The following NECTIN3 variants were observed in gnomAD, a reference collection of about 807,000 sequenced individuals.
NECTIN3 encodes the protein nectin-3.
NECTIN3 carries 8 observed loss-of-function variants against 49.4 expected under a neutral mutation model. That is an observed-to-expected ratio of 0.16 (90% CI 0.10 to 0.29). The LOEUF (loss-of-function observed/expected upper bound fraction) is 0.29, where lower values mean the gene tolerates loss of function less well. Ranked by LOEUF, NECTIN3 falls within the 10% of genes least tolerant of loss-of-function variation. The probability of loss-of-function intolerance (pLI) is 1.00; values close to 1 mark genes in which losing one functional copy is unlikely to be tolerated. For synonymous variants in NECTIN3, 277 were observed against 241.1 expected (o/e 1.15, Z -1.38); for missense variants, 581 against 654.6 (o/e 0.89, Z 1.23).
chr3:111,101,896 T>C (rs1407542333), intron 1 of NECTIN3, among the ~76,000 whole-genome samples: 1 of 152,158 alleles, frequency 6.6e-6, no homozygotes, highest in Non-Finnish European at 1.5e-5. Flanking sequence ...TTATTTGTAC[T>C]TATGTATTTT....
chr3:111,123,654 C>G (rs768023004), intron 4 of NECTIN3, among the ~76,000 whole-genome samples: 4 of 152,134 alleles, frequency 2.6e-5, no homozygotes, highest in African/African-American at 4.8e-5. Flanking sequence ...TATCTTTTAA[C>G]TTGCTCTTGG....
In NECTIN3 at chr3:111,133,966, A is replaced by C. The variant is rs764973073; in HGVS notation, c.1401A>C (p.Pro467=). The C allele has an allele frequency of 6.2e-7, 1 of 1,613,576 alleles. No homozygotes were observed. The highest frequency in any genetic ancestry group is 8.5e-7 in the Non-Finnish European group (1 of 1,179,790). The change falls in exon 6 of 6, where the codon CCA becomes CCC. Residue 467 remains proline, a synonymous_variant. Coordinates refer to ENST00000485303, the MANE Select transcript of NECTIN3 (RefSeq NM_015480.3). ...VLQQDELDSY[P]DSVKKENKNP... ...AACAAGATGAGCTTGATTCTTACCC[A>C]GACAGTGTAAAAAAAGAAAACAAAA...
chr3:111,122,403 C>A (rs1036220520), intron 4 of NECTIN3, among the ~76,000 whole-genome samples, 165 bp downstream of exon 4: 5 of 152,048 alleles, frequency 3.3e-5, no homozygotes, highest in East Asian at 1.9e-4. Flanking sequence ...CTTCCTACCC[C>A]CTCAGTTCTG....
At chr3:111,165,510 A>T (rs1208769653) in intron 7 of NECTIN3, among the ~76,000 whole-genome samples, 1 of 152,188 alleles carries the variant, frequency 6.6e-6, no homozygotes, top group East Asian at 1.9e-4. Flanking sequence ...ATGTATGAGT[A>T]GAGAAAATCT....
upstream of NECTIN3, among the ~76,000 whole-genome samples, chr3:111,189,902 G>T (rs1039547100): frequency 6.6e-6 from 1 of 152,168 alleles, no homozygotes; most frequent in Non-Finnish European, 1.5e-5. Flanking sequence ...CCAGGCATCT[G>T]CCTGGGCTGA....
At chr3:111,163,535 C>T (rs1208547493) in intron 7 of NECTIN3, among the ~76,000 whole-genome samples, 3 of 152,122 alleles carry the variant, frequency 2.0e-5, no homozygotes, top group African/African-American at 7.2e-5. Flanking sequence ...AAATAAAAAA[C>T]TAAAATGCTG....
intron 6 of NECTIN3, chr3:111,145,182 A>G (rs2034844815): frequency 1.1e-6 from 1 of 929,552 alleles, no homozygotes; most frequent in East Asian, 2.7e-5. Context: ...TGGTTTCATC[A>G]GAATATCTCA....
chr3:111,113,617 G>A (rs2033565346), intron 2 of NECTIN3, among the ~76,000 whole-genome samples: 1 of 152,106 alleles, frequency 6.6e-6, no homozygotes, highest in African/African-American at 2.4e-5. Context: ...TTAAGAGATT[G>A]ATGTTTTTGA....
chr3:111,177,281 A>G (rs988962968), intron 7 of NECTIN3, among the ~76,000 whole-genome samples: 1 of 152,116 alleles, frequency 6.6e-6, no homozygotes, highest in Non-Finnish European at 1.5e-5. Context: ...ATATTTATCT[A>G]ATTTTTCTCT....
chr3:111,150,338 C>T (rs1302330564), intron 7 of NECTIN3, among the ~76,000 whole-genome samples: 3 of 151,918 alleles, frequency 2.0e-5, no homozygotes, highest in Non-Finnish European at 4.4e-5. Flanking sequence ...CAGTAGTTAT[C>T]TGTCAGATGA....
chr3:111,077,256 A>G (rs763666940), intron 1 of NECTIN3: 7 of 428,628 alleles, frequency 1.6e-5, no homozygotes, highest in South Asian at 1.2e-4. Flanking sequence ...AAATAAGTTG[A>G]GTAGGGAAGA....
At chr3:111,075,891 G>A (rs1357262546) in intron 1 of NECTIN3, among the ~76,000 whole-genome samples, 1 of 151,978 alleles carries the variant, frequency 6.6e-6, no homozygotes, top group African/African-American at 2.4e-5. Flanking sequence ...GTTGGAGAAG[G>A]GACTCATAAT....
At chr3:111,193,712 G>A (rs184102077) in intron 1 of NECTIN3, among the ~76,000 whole-genome samples, 9 of 152,220 alleles carry the variant, frequency 5.9e-5, no homozygotes, top group Non-Finnish European at 1.3e-4. Flanking sequence ...AGAAAGAAAG[G>A]CCCCAGCTGA....
chr3:111,128,314 ACT>A (rs2034251602), intron 5 of NECTIN3, among the ~76,000 whole-genome samples: 1 of 149,028 alleles, frequency 6.7e-6, no homozygotes, highest in Non-Finnish European at 1.5e-5. Flanking sequence ...ACAGAGCGAA[ACT>A]CTGTCTCAAA....
intron 7 of NECTIN3, among the ~76,000 whole-genome samples, chr3:111,187,177 C>T (rs879317587): frequency 1.3e-5 from 2 of 152,072 alleles, no homozygotes; most frequent in Admixed American, 1.3e-4. Flanking sequence ...GTGGGAGGAT[C>T]ATTTGACACC....
In NECTIN3 at chr3:111,126,340, G is replaced by GA; in HGVS notation, c.1069+5_1069+6insA. On this transcript the variant is annotated splice_donor_region_variant and intron_variant, in intron 5 of 5. Coordinates refer to ENST00000485303, the MANE Select transcript of NECTIN3 (RefSeq NM_015480.3). ...AAAAAGTCATCTACATTTCAGGTAAGTTACTATCTGCTTGCAAAATGAGTT... is the reference window on the plus strand; with the variant it reads ...AAAAAGTCATCTACATTTCAGGTAAGATTACTATCTGCTTGCAAAATGAGTT... 1 of 1,597,978 alleles carries GA rather than the reference G, an allele frequency of 6.3e-7. No homozygotes were observed. Among genetic ancestry groups the GA allele is most frequent in the Non-Finnish European group, 8.5e-7 (1 of 1,173,274 alleles).
At chr3:111,081,722 T>G (rs2031618605) in intron 1 of NECTIN3, among the ~76,000 whole-genome samples, 1 of 152,170 alleles carries the variant, frequency 6.6e-6, no homozygotes, top group Non-Finnish European at 1.5e-5. Context: ...TAGCTTAGAT[T>G]TCTGTTTGTG....
chr3:111,117,601 TA>T (rs2033742309), intron 2 of NECTIN3, among the ~76,000 whole-genome samples: 1 of 151,350 alleles, frequency 6.6e-6, no homozygotes, highest in Non-Finnish European at 1.5e-5. Context: ...AAATGTGAAA[TA>T]AAAATAGGTT....
intron 5 of NECTIN3, among the ~76,000 whole-genome samples, chr3:111,129,040 C>T (rs1043794545): frequency 6.6e-6 from 1 of 152,166 alleles, no homozygotes; most frequent in Non-Finnish European, 1.5e-5. Context: ...ATGTTTTGCT[C>T]ATTGGCTGAG....
Sources: allele counts gnomAD v4.1 joint callset (sites outside exome capture counted in the v4.1 genomes callset), GRCh38; gene constraint gnomAD v4.1.1; transcripts MANE v1.5; gene names NCBI Gene and HGNC (gene_info 2026-07-23, HGNC 2026-07-21).